The following PARD3B variants were observed in gnomAD, a reference collection of about 807,000 sequenced individuals.
PARD3B encodes partitioning defective 3 homolog B.
In PARD3B, 103 loss-of-function variants were observed where a neutral mutation model predicts 130.2. That is an observed-to-expected ratio of 0.79 (90% CI 0.67 to 0.93). PARD3B has a LOEUF of 0.93. PARD3B is among the 40% of genes least tolerant of loss of function. The probability of loss-of-function intolerance (pLI) is 0.00; values close to 1 mark genes in which losing one functional copy is unlikely to be tolerated. For synonymous variants in PARD3B, 583 were observed against 553.2 expected (o/e 1.05, Z -0.76); for missense variants, 1,609 against 1,499.2 (o/e 1.07, Z -1.21).
chr2:204,894,309 T>G (rs1031537129), intron 2 of PARD3B, among the ~76,000 whole-genome samples: 4 of 152,126 alleles, frequency 2.6e-5, no homozygotes, highest in African/African-American at 4.8e-5. Flanking sequence ...TATACAGACA[T>G]TTTCTTTAAA....
intron 2 of PARD3B, among the ~76,000 whole-genome samples, chr2:204,724,439 C>G (rs1486310555): frequency 6.6e-6 from 1 of 152,132 alleles, no homozygotes; most frequent in Non-Finnish European, 1.5e-5. Context: ...AGGATGTACT[C>G]TAAAATTAAT....
At position 205,530,151 on chromosome 2, in the gene PARD3B, C is replaced by T. The variant is rs2051524930; in HGVS notation, c.3181-23173C>T. On this transcript the variant is annotated intron_variant, in intron 21 of 22. Coordinates refer to ENST00000406610, the MANE Select transcript of PARD3B (RefSeq NM_001302769.2). This position sits in a 1 kb window ranked among gnomAD's most constrained non-coding sequence, Gnocchi z 4.7. ...GCATGTGGAAAGGAAATAATATGCACATCTAACCTTACAGCTGCAACTCGT... is the reference window on the plus strand; with the variant it reads ...GCATGTGGAAAGGAAATAATATGCATATCTAACCTTACAGCTGCAACTCGT... 6.6e-6 allele frequency among the ~76,000 whole-genome samples: 1 copy of T among 152,200 alleles called. No homozygotes were observed. The highest frequency in any genetic ancestry group is 2.1e-4 in the South Asian group (1 of 4,832).
At chr2:204,762,163 C>T (rs1314607253) in intron 2 of PARD3B, among the ~76,000 whole-genome samples, 2 of 141,884 alleles carry the variant, frequency 1.4e-5, no homozygotes, top group African/African-American at 5.4e-5. Flanking sequence ...GCTCTGTCAC[C>T]CAAGTCGGAG....
chr2:204,626,655 T>A (rs2034497858), intron 1 of PARD3B, among the ~76,000 whole-genome samples: 1 of 152,184 alleles, frequency 6.6e-6, no homozygotes, highest in Non-Finnish European at 1.5e-5. Context: ...TTTTTCCCTC[T>A]GTATTTTTGG....
Position 204,689,276 on chromosome 2 carries a change from T to C in PARD3B, c.222+2994T>C, listed in dbSNP as rs1381424469. 3.3e-5 allele frequency among the ~76,000 whole-genome samples: 5 copies of C among 152,172 alleles called. No individual in the cohort carries two copies. The highest frequency in any genetic ancestry group is 1.3e-4 in the Admixed American group (2 of 15,272). ...GCTTGGCGCATACATGGTATCTGCTTGGGAGCTTTGGTTTTTTAAACTTGC... is the reference window on the plus strand; with the variant it reads ...GCTTGGCGCATACATGGTATCTGCTCGGGAGCTTTGGTTTTTTAAACTTGC... On this transcript the variant is annotated intron_variant, in intron 2 of 22. Transcript: ENST00000406610. The surrounding 1 kb of genome is among the most constrained non-coding windows in gnomAD (Gnocchi z 5.2).
chr2:205,001,225 G>T (rs1330092732), intron 3 of PARD3B, among the ~76,000 whole-genome samples: 2 of 152,132 alleles, frequency 1.3e-5, no homozygotes, highest in Admixed American at 1.3e-4. Context: ...CTGACCTCAG[G>T]TGATCTGCTC....
intron 5 of PARD3B, among the ~76,000 whole-genome samples, chr2:205,111,193 C>T (rs999218562): frequency 4.6e-5 from 7 of 151,902 alleles, no homozygotes; most frequent in Non-Finnish European, 8.8e-5. Flanking sequence ...TCTATAAGTG[C>T]TTATATATTA....
intron 3 of PARD3B, among the ~76,000 whole-genome samples, chr2:204,986,757 T>A (rs934465687): frequency 2.6e-5 from 4 of 152,118 alleles, no homozygotes; most frequent in African/African-American, 9.7e-5. Flanking sequence ...TTTCGATGGG[T>A]AATTTGACAG....
intron 18 of PARD3B, among the ~76,000 whole-genome samples, chr2:205,331,265 CCACACACACACA>C (rs56170026): frequency 6.7e-6 from 1 of 148,618 alleles, no homozygotes; most frequent in Non-Finnish European, 1.5e-5. Context: ...CACATATATT[CCACACACACACA>C]CACACACACA....
At chr2:204,652,213 G>T (rs767214042) in intron 1 of PARD3B, among the ~76,000 whole-genome samples, 1 of 151,952 alleles carries the variant, frequency 6.6e-6, no homozygotes, top group Non-Finnish European at 1.5e-5. Flanking sequence ...ATGGCCAGGC[G>T]CAAATTTTCC....
At chr2:204,710,140 C>G (rs2038364463) in intron 2 of PARD3B, among the ~76,000 whole-genome samples, 1 of 152,142 alleles carries the variant, frequency 6.6e-6, no homozygotes, top group African/African-American at 2.4e-5. Flanking sequence ...AGGTCTTCTT[C>G]CTTCTTTTCT....
intron 21 of PARD3B, among the ~76,000 whole-genome samples, chr2:205,516,331 T>G (rs1379420505): frequency 4.6e-5 from 7 of 151,938 alleles, no homozygotes; most frequent in Non-Finnish European, 7.4e-5. Context: ...TCCATATGGA[T>G]CTGTAAATTG....
chr2:205,302,006 A>G (rs2042020098), intron 18 of PARD3B: 2 of 629,610 alleles, frequency 3.2e-6, no homozygotes, highest in Non-Finnish European at 5.8e-6. Context: ...TGAGCCCAAG[A>G]GTTCAAGACC....
At chr2:204,994,425 T>C (rs2125251452) in intron 3 of PARD3B, among the ~76,000 whole-genome samples, 1 of 122,442 alleles carries the variant, frequency 8.2e-6, no homozygotes, top group Non-Finnish European at 1.7e-5. Flanking sequence ...TCTAGTTTGA[T>C]TGCACTGTGG....
At chr2:205,517,636 C>T (rs1464043952) in intron 21 of PARD3B, among the ~76,000 whole-genome samples, 1 of 151,770 alleles carries the variant, frequency 6.6e-6, no homozygotes, top group African/African-American at 2.4e-5. Flanking sequence ...GGGGTTGATT[C>T]GTTCTTGCTT....
rs150635345 is a variant in PARD3B, at chr2:205,180,485, C to T, written c.1924+3908C>T. 1.5e-4 allele frequency among the ~76,000 whole-genome samples: 23 copies of T among 152,092 alleles called. No individual in the cohort carries two copies. The East Asian group carries it at 3.7e-3, about 24-fold the overall frequency. On this transcript the variant is annotated intron_variant, in intron 13 of 22. Coordinates refer to ENST00000406610, the MANE Select transcript of PARD3B (RefSeq NM_001302769.2). ...CTTATAAAACCTGAATGTTGATTGC[C>T]ACTACCAGTTTTTTTAAGGATCTTC... is the stretch of plus-strand genomic sequence containing the variant.
chr2:205,463,882 C>T lies in PARD3B; in HGVS notation c.3044+23210C>T, dbSNP rs972556341. 3.9e-5 allele frequency among the ~76,000 whole-genome samples: 6 copies of T among 151,994 alleles called. No homozygotes were observed. Among genetic ancestry groups the T allele is most frequent in the Admixed American group, 3.3e-4 (5 of 15,248 alleles). On this transcript the variant is annotated intron_variant, in intron 20 of 22. Coordinates refer to ENST00000406610, the MANE Select transcript of PARD3B (RefSeq NM_001302769.2). The surrounding 1 kb of genome is among the most constrained non-coding windows in gnomAD (Gnocchi z 4.8). Reference sequence around the variant, plus strand: ...GACTTTGCTTTGGAGTAAAAGCAGCCGAGTAGGAAAATGGACTAGAAAAGT... The same window carrying T: ...GACTTTGCTTTGGAGTAAAAGCAGCTGAGTAGGAAAATGGACTAGAAAAGT...
At chr2:205,546,644 A>G (rs1321845015) in intron 21 of PARD3B, among the ~76,000 whole-genome samples, 6 of 152,132 alleles carry the variant, frequency 3.9e-5, no homozygotes, top group African/African-American at 1.4e-4. Flanking sequence ...TTACTTCCTA[A>G]GGACTTAACC....
chr2:205,235,190 G>A (rs1574467305), intron 15 of PARD3B, among the ~76,000 whole-genome samples: 1 of 152,150 alleles, frequency 6.6e-6, no homozygotes, highest in East Asian at 1.9e-4. Flanking sequence ...GGAGGCTGAG[G>A]TGGGCAGATC....
Sources: gnomAD v4.1 joint callset for allele counts (sites outside exome capture counted in the v4.1 genomes callset) on GRCh38, gnomAD v4.1.1 for gene constraint, Gnocchi (gnomAD v3.1) non-coding constraint, MANE v1.5 for transcripts, NCBI Gene and HGNC (gene_info 2026-07-23, HGNC 2026-07-21) for gene names.